FBXL19: variants seen among roughly 807,000 people sequenced by gnomAD.
FBXL19 encodes F-box and leucine rich repeat protein 19.
A neutral mutation model predicts 71.2 loss-of-function variants in FBXL19; 16 were observed. That is an observed-to-expected ratio of 0.22 (90% CI 0.15 to 0.34). The LOEUF (loss-of-function observed/expected upper bound fraction) is 0.34, where lower values mean the gene tolerates loss of function less well. FBXL19 is among the 10% of genes least tolerant of loss of function. The pLI, the probability that FBXL19 is intolerant of heterozygous loss-of-function variation, is 1.00. For synonymous variants in FBXL19, 447 were observed against 409.4 expected (o/e 1.09, Z -1.11); for missense variants, 658 against 968.2 (o/e 0.68, Z 4.25).
chr16:30,948,114 C>G lies in FBXL19; in HGVS notation c.*884C>G. 1 of 222,616 alleles carries G rather than the reference C, an allele frequency of 4.5e-6. No homozygotes were observed. The highest frequency in any genetic ancestry group is 9.3e-6 in the Non-Finnish European group (1 of 107,914). The allele number at this position is 222,616 out of a possible 1,614,324, so 13.8% of individuals were successfully genotyped here. On this transcript the variant is annotated 3_prime_UTR_variant, in exon 11 of 11. Transcript: ENST00000338343. ...CTTGGACTGAGACCTGAGACCGGGC[C>G]GGTGGGCGCCCATTTGGGACTGCGC...
chr16:30,943,836 C>T (rs2055828734), intron 9 of FBXL19, among the ~76,000 whole-genome samples: 1 of 152,162 alleles, frequency 6.6e-6, no homozygotes, highest in African/African-American at 2.4e-5. Flanking sequence ...TCTTTCACCC[C>T]TCTCTTTCAT....
At chr16:30,928,303 T>G (rs908545814) in intron 5 of FBXL19, among the ~76,000 whole-genome samples, 164 bp from the exon 6 acceptor site, 5 of 151,984 alleles carry the variant, frequency 3.3e-5, no homozygotes, top group Non-Finnish European at 7.4e-5. Flanking sequence ...GCATGCTCAG[T>G]GGGCTAGGAC....
Position 30,925,579 on chromosome 16 carries a change from A to G in FBXL19, c.-24-152A>G, listed in dbSNP as rs1056374861. 3.0e-5 allele frequency: 24 copies of G among 789,680 alleles called. No individual in the cohort carries two copies. Among genetic ancestry groups the G allele is most frequent in the Non-Finnish European group, 4.3e-5 (24 of 552,842 alleles). 48.9% of individuals were successfully genotyped at this position (789,680 alleles called of 1,614,324 possible). On this transcript the variant is annotated intron_variant, in intron 1 of 10. Coordinates refer to ENST00000338343, the MANE Select transcript of FBXL19 (RefSeq NM_001382779.1). The surrounding 1 kb of genome is among the most constrained non-coding windows in gnomAD (Gnocchi z 5.0). ...CAGGGAGACAGGCCTTGAGTAGAGGATTGGCCCCCAGATACACAGAAGGGG... is the reference window on the plus strand; with the variant it reads ...CAGGGAGACAGGCCTTGAGTAGAGGGTTGGCCCCCAGATACACAGAAGGGG...
At chr16:30,935,867 T>C (rs2055726764) in intron 7 of FBXL19, among the ~76,000 whole-genome samples, 1 of 152,106 alleles carries the variant, frequency 6.6e-6, no homozygotes, top group Admixed American at 6.5e-5. Context: ...TCAAGCCACA[T>C]GTCTCTGGGA....
intron 9 of FBXL19, among the ~76,000 whole-genome samples, chr16:30,945,321 G>A (rs74998771): frequency 0.023 from 3,484 of 152,148 alleles, 61 homozygotes; most frequent in Non-Finnish European, 0.035. Flanking sequence ...TTAAAGTGTG[G>A]TCGGGGGACC....
Position 30,925,147 on chromosome 16 carries a change from G to A in FBXL19, c.-24-584G>A, listed in dbSNP as rs2055575764. Among the ~76,000 whole-genome samples the A allele has an allele frequency of 6.6e-6, 1 of 152,114 alleles. No individual in the cohort carries two copies. Among genetic ancestry groups the A allele is most frequent in the South Asian group, 2.1e-4 (1 of 4,824 alleles). ...CAGAGGAGATCGTTAGGGACTTGGG[G>A]GCAAGGATCTCGCTGGATCTGGTGA... is the stretch of plus-strand genomic sequence containing the variant. On this transcript the variant is annotated intron_variant, in intron 1 of 10. Coordinates refer to ENST00000338343, the MANE Select transcript of FBXL19 (RefSeq NM_001382779.1). This position sits in a 1 kb window ranked among gnomAD's most constrained non-coding sequence, Gnocchi z 5.0.
upstream of FBXL19, chr16:30,923,176 G>A (rs1015856974): frequency 4.4e-6 from 2 of 456,656 alleles, no homozygotes; most frequent in Admixed American, 4.7e-5. Context: ...GGAGGGTTGT[G>A]GACAGGAGGG....
rs1211857102 is a variant in FBXL19 at position 30,927,957 on chromosome 16, GA to G, written c.626del (p.Lys209ArgfsTer2). The G allele has an allele frequency of 9.9e-6, 15 of 1,518,678 alleles. No individual in the cohort carries two copies. Among genetic ancestry groups the G allele is most frequent in the East Asian group, 4.6e-5 (2 of 43,154 alleles). The allele number at this position is 1,518,678 out of a possible 1,614,324, so 94.1% of individuals were successfully genotyped here. A position where few individuals can be genotyped will look rare whatever the true frequency, so the allele number is the denominator to read the frequency against. ...EAGNEPPTPR[K>X]KVKGGRERHL... is the part of the protein sequence containing the mutation. ...CAGGGAATGAGCCTCCCACCCCAAG[GA>G]AAAAGGTGAGCCACGGAGCACGCTC... On this transcript the variant is annotated frameshift_variant, in exon 5 of 11. Coordinates refer to ENST00000338343, the MANE Select transcript of FBXL19 (RefSeq NM_001382779.1). LOFTEE classifies it high-confidence loss of function.
At position 30,946,968 on chromosome 16, in the gene FBXL19, C is replaced by CG; in HGVS notation, c.1846+21dup. Reference sequence around the variant, plus strand: ...TTGCTGGTAAGCACGGTCCCCCATCCGTCCTGCCAGCCTGTGGATCCCCAC... The same window carrying CG: ...TTGCTGGTAAGCACGGTCCCCCATCCGGTCCTGCCAGCCTGTGGATCCCCAC... On this transcript the variant is annotated intron_variant, in intron 10 of 10. Coordinates refer to ENST00000338343, the MANE Select transcript of FBXL19 (RefSeq NM_001382779.1). The surrounding 1 kb of genome is among the most constrained non-coding windows in gnomAD (Gnocchi z 6.7). The CG allele has an allele frequency of 6.3e-7, 1 of 1,592,584 alleles. No homozygotes were observed. The highest frequency in any genetic ancestry group is 8.5e-7 in the Non-Finnish European group (1 of 1,170,414).
chr16:30,945,851 A>G (rs1280818214), intron 9 of FBXL19, among the ~76,000 whole-genome samples: 1 of 81,874 alleles, frequency 1.2e-5, no homozygotes, highest in Non-Finnish European at 3.0e-5. Context: ...GTCTCGGGGA[A>G]AAAAAAAAAA....
intron 6 of FBXL19, 24 bp downstream of exon 6, chr16:30,928,652 C>G (rs759202048): frequency 6.7e-7 from 1 of 1,502,250 alleles, no homozygotes; most frequent in South Asian, 1.3e-5. Context: ...CTCCTCCCTC[C>G]CCTTCCCACC....
chr16:30,926,035 C>A, intron 2 of FBXL19, 104 bp downstream of exon 2: 1 of 1,340,986 alleles, frequency 7.5e-7, no homozygotes, highest in Middle Eastern at 1.9e-4. Flanking sequence ...GCTGTTTGTT[C>A]ACTCGTTCAT....
chr16:30,928,603 C>T lies in FBXL19; in HGVS notation c.764C>T (p.Pro255Leu). 6.3e-7 allele frequency: 1 copy of T among 1,597,564 alleles called. No individual in the cohort carries two copies. Among genetic ancestry groups the T allele is most frequent in the East Asian group, 2.3e-5 (1 of 43,358 alleles). Reference sequence around the variant, plus strand: ...AGCCAGGCTTTCTCATCCTGCCACCCTGGGCTCCCTCCCGAGAACTGGGAG... The same window carrying T: ...AGCCAGGCTTTCTCATCCTGCCACCTTGGGCTCCCTCCCGAGAACTGGGAG... ...NPSQAFSSCH[P>L]GLPPENWEKP... The change falls in exon 6 of 11, where the codon CCT becomes CTT. Residue 255 changes from proline (P) to leucine (L), a missense_variant. Physicochemically the swap from Pro to Leu is moderately conservative, Grantham distance 98 (BLOSUM62 -3). Coordinates refer to ENST00000338343, the MANE Select transcript of FBXL19 (RefSeq NM_001382779.1).
chr16:30,926,560 C>G (rs1370158667), intron 2 of FBXL19, among the ~76,000 whole-genome samples: 1 of 152,030 alleles, frequency 6.6e-6, no homozygotes, highest in Non-Finnish European at 1.5e-5. Flanking sequence ...CCAGCAGCCG[C>G]GAGGAGCCAG....
intron 9 of FBXL19, among the ~76,000 whole-genome samples, chr16:30,945,160 G>C (rs879608573): frequency 9.2e-5 from 14 of 152,198 alleles, no homozygotes; most frequent in Non-Finnish European, 2.1e-4. Context: ...TGTGCCATCT[G>C]ATCTATTAAT....
At chr16:30,932,839 CT>C (rs1188274971) in intron 7 of FBXL19, among the ~76,000 whole-genome samples, 272 of 130,498 alleles carry the variant, frequency 2.1e-3, no homozygotes, top group Admixed American at 4.0e-3. Context: ...GCAATGATAA[CT>C]TTTTTTTTTT....
At position 30,947,301 on chromosome 16, in the gene FBXL19, G is replaced by A; in HGVS notation, c.*71G>A. 4 of 1,328,904 alleles carry A rather than the reference G, an allele frequency of 3.0e-6. No individual in the cohort carries two copies. Among genetic ancestry groups the A allele is most frequent in the Non-Finnish European group, 3.0e-6 (3 of 994,284 alleles). 82.3% of individuals were successfully genotyped at this position (1,328,904 alleles called of 1,614,324 possible). The stretch of plus-strand genomic sequence containing the variant: ...TCCGGCTTCATTTCACCCCTGCTGG[G>A]AGGCCAGGTTCCCACCTCACCACCC... On this transcript the variant is annotated 3_prime_UTR_variant, in exon 11 of 11. Transcript: ENST00000338343.
rs764360734 is a variant in FBXL19 at position 30,930,194 on chromosome 16, C to T, written c.911C>T (p.Ser304Phe). ...CTGCTGGAACGGGTGCCTGACACCT[C>T]CTCTTCCTCCTCGGACTCAGACTCC... is the stretch of plus-strand genomic sequence containing the variant. ...CQLLERVPDTSSSSSDSDSDS... is the reference protein window; with the variant it reads ...CQLLERVPDTFSSSSDSDSDS... The change falls in exon 7 of 11, where the codon TCC (serine) becomes TTC (phenylalanine). Residue 304 changes from serine (S) to phenylalanine (F), a missense_variant. Around this residue, in one of 8 missense-constraint regions of FBXL19, gnomAD observed 447 missense variants for 515.4 expected, o/e 0.87. Transcript: ENST00000338343. The surrounding 1 kb of genome is among the most constrained non-coding windows in gnomAD (Gnocchi z 8.5). 1 of 1,613,262 alleles carries T rather than the reference C, an allele frequency of 6.2e-7. No individual in the cohort carries two copies. The highest frequency in any genetic ancestry group is 2.2e-5 in the East Asian group (1 of 44,886).
At chr16:30,935,634 C>T (rs1051049499) in intron 7 of FBXL19, among the ~76,000 whole-genome samples, 1 of 151,990 alleles carries the variant, frequency 6.6e-6, no homozygotes, top group African/African-American at 2.4e-5. Context: ...GCATCGGGGC[C>T]CAGAGAGCTA....
Sources: gnomAD v4.1 joint callset for allele counts (sites outside exome capture counted in the v4.1 genomes callset) on GRCh38, gnomAD v4.1.1 for gene constraint, gnomAD v4.1.1 regional missense constraint, Gnocchi (gnomAD v3.1) non-coding constraint, MANE v1.5 for transcripts, NCBI Gene and HGNC (gene_info 2026-07-23, HGNC 2026-07-21) for gene names.